Variants in TNKS2 observed in about 807,000 individuals in gnomAD.
TNKS2 encodes tankyrase 2.
Under a neutral mutation model 137.6 loss-of-function variants are expected in TNKS2, and 72 were observed. The ratio of observed to expected loss-of-function variants is 0.52; its 90% CI spans 0.43 to 0.64. The LOEUF is 0.64. TNKS2 is among the 30% of genes least tolerant of loss of function. The pLI is 0.00. For synonymous variants in TNKS2, 516 were observed against 512.1 expected (o/e 1.01, Z -0.10); for missense variants, 1,049 against 1,410.2 (o/e 0.74, Z 4.10).
At chr10:91,807,995 CAA>C (rs35736923) in intron 1 of TNKS2, among the ~76,000 whole-genome samples, 37,751 of 118,644 alleles carry the variant, frequency 0.32, 4,650 homozygotes, top group South Asian at 0.48. Flanking sequence ...GACTCTGTCT[CAA>C]AAAAAAAAAA....
chr10:91,839,980 C>CTG (rs1388785143), intron 13 of TNKS2, among the ~76,000 whole-genome samples: 2 of 152,056 alleles, frequency 1.3e-5, no homozygotes, highest in African/African-American at 4.8e-5. Flanking sequence ...CTTAGTTTAC[C>CTG]TGTATATATA....
chr10:91,813,784 G>A (rs1387851935), intron 2 of TNKS2, among the ~76,000 whole-genome samples: 2 of 152,062 alleles, frequency 1.3e-5, no homozygotes, highest in African/African-American at 4.8e-5. Context: ...ACATAAGGGT[G>A]GTCCATAAGA....
chr10:91,828,455 T>C, intron 9 of TNKS2, 49 bp downstream of exon 9: 1 of 1,452,468 alleles, frequency 6.9e-7, no homozygotes, highest in Non-Finnish European at 9.2e-7. Context: ...AAGAACGTGC[T>C]AAACTAATCA....
intron 23 of TNKS2, 120 bp downstream of exon 23, chr10:91,855,808 G>C: frequency 1.7e-6 from 1 of 598,284 alleles, no homozygotes; most frequent in South Asian, 2.6e-5. Flanking sequence ...TGGCATCAGA[G>C]ACTATTTTGG....
At chr10:91,819,870 T>C (rs1269466239) in intron 5 of TNKS2, 69 bp from the exon 6 acceptor site, 1 of 1,300,822 alleles carries the variant, frequency 7.7e-7, no homozygotes, top group Non-Finnish European at 1.1e-6. Context: ...ATATTTGGGT[T>C]TTTTCCCTCT....
chr10:91,805,417 C>G (rs1844295613), intron 1 of TNKS2, among the ~76,000 whole-genome samples: 1 of 152,162 alleles, frequency 6.6e-6, no homozygotes, highest in African/African-American at 2.4e-5. Flanking sequence ...ACCCATTCTA[C>G]CCATATCGAT....
chr10:91,813,008 A>G lies in TNKS2; in HGVS notation c.225A>G (p.Glu75=), dbSNP rs772213197. The part of the protein sequence containing the change: ...AAGFGRKDVV[E]YLLQNGANVQ... Reference sequence around the variant, plus strand: ...GTTTTGGGCGGAAAGACGTAGTTGAATATTTGCTTCAGAATGGTGCAAATG... The same window carrying G: ...GTTTTGGGCGGAAAGACGTAGTTGAGTATTTGCTTCAGAATGGTGCAAATG... Residue 75 remains glutamate (E), a synonymous_variant, in exon 2 of 27, where the codon GAA becomes GAG. Transcript: ENST00000371627. The G allele has an allele frequency of 3.1e-6, 5 of 1,614,162 alleles. No homozygotes were observed. The highest frequency in any genetic ancestry group is 4.2e-6 in the Non-Finnish European group (5 of 1,180,020).
rs1445699374 is a variant in TNKS2, at chr10:91,863,900, A to C, written c.*901A>C. ...AATTATTGTGTTCTTTTCATGGAACATAAGTAGGATGTTACATTTCCAGGG... is the reference window on the plus strand; with the variant it reads ...AATTATTGTGTTCTTTTCATGGAACCTAAGTAGGATGTTACATTTCCAGGG... On this transcript the variant is annotated 3_prime_UTR_variant, in exon 27 of 27. Coordinates refer to ENST00000371627, the MANE Select transcript of TNKS2 (RefSeq NM_025235.4). 1.3e-5 allele frequency: 2 copies of C among 152,182 alleles called. No homozygotes were observed. The highest frequency in any genetic ancestry group is 4.8e-5 in the African/African-American group (2 of 41,436). 9.4% of individuals were successfully genotyped at this position (152,182 alleles called of 1,614,324 possible).
chr10:91,844,860 T>C, intron 16 of TNKS2, 59 bp from the exon 17 acceptor site: 1 of 1,100,784 alleles, frequency 9.1e-7, no homozygotes, highest in East Asian at 2.6e-5. Flanking sequence ...GGAAGTATTA[T>C]GACATAGGAC....
intron 2 of TNKS2, among the ~76,000 whole-genome samples, chr10:91,814,373 C>T (rs1844605044): frequency 6.6e-6 from 1 of 151,862 alleles, no homozygotes; most frequent in South Asian, 2.1e-4. Context: ...AGTCAAAAAG[C>T]CTTTAAAAAT....
At chr10:91,851,480 G>A in intron 21 of TNKS2, 144 bp downstream of exon 21, 3 of 990,412 alleles carry the variant, frequency 3.0e-6, no homozygotes, top group South Asian at 1.6e-5. Context: ...CTGGGATTAA[G>A]TCTTAGCTGT....
intron 6 of TNKS2, 63 bp from the exon 7 acceptor site, chr10:91,822,233 T>C (rs1293350295): frequency 1.6e-6 from 2 of 1,276,602 alleles, no homozygotes; most frequent in Non-Finnish European, 2.2e-6. Flanking sequence ...TTTTAATTTA[T>C]AAATTTCCCT....
At chr10:91,833,428 ATAAG>A in intron 11 of TNKS2, among the ~76,000 whole-genome samples, 1 of 152,182 alleles carries the variant, frequency 6.6e-6, no homozygotes, top group Non-Finnish European at 1.5e-5. Context: ...TAGGTAATAA[ATAAG>A]GGAGAAGATT....
Position 91,841,365 on chromosome 10 carries a change from A to G in TNKS2, c.1756A>G (p.Asn586Asp). 6.2e-7 allele frequency: 1 copy of G among 1,610,078 alleles called. No individual in the cohort carries two copies. Among genetic ancestry groups the G allele is most frequent in the Non-Finnish European group, 8.5e-7 (1 of 1,178,222 alleles). ...ELLVKHGAVVNVADLWKFTPL... is the reference protein window; with the variant it reads ...ELLVKHGAVVDVADLWKFTPL... ...TCTTGTTAAACATGGAGCAGTAGTT[A>G]ATGTAGCTGATTTATGGAAATTTAC... The change falls in exon 15 of 27, where the codon AAT becomes GAT. Residue 586 changes from asparagine to aspartate, a missense_variant. Asn to Asp is a conservative substitution (Grantham distance 23). This residue lies in a region of TNKS2 where 328 missense variants were observed against 436.0 expected (regional missense o/e 0.75). Coordinates refer to ENST00000371627, the MANE Select transcript of TNKS2 (RefSeq NM_025235.4).
rs1844833102 is a variant in TNKS2 at position 91,819,982 on chromosome 10, T to C, written c.677T>C (p.Ile226Thr). 6.3e-7 allele frequency: 1 copy of C among 1,593,640 alleles called. No homozygotes were observed. The highest frequency in any genetic ancestry group is 8.5e-7 in the Non-Finnish European group (1 of 1,170,462). ...HLAAGYNRVK[I>T]VQLLLQHGAD... ...GCAGCAGGATATAACAGAGTAAAGA[T>C]TGTACAGCTGTTACTGCAACATGGA... The change falls in exon 6 of 27, where the codon ATT becomes ACT. Residue 226 changes from isoleucine to threonine, a missense_variant. Coordinates refer to ENST00000371627, the MANE Select transcript of TNKS2 (RefSeq NM_025235.4).
intron 1 of TNKS2, among the ~76,000 whole-genome samples, chr10:91,812,049 A>C (rs1203027806): frequency 7.6e-6 from 1 of 130,934 alleles, no homozygotes; most frequent in Non-Finnish European, 1.6e-5. Context: ...ACAGAGCGAC[A>C]CTCCGTCTCA....
At chr10:91,835,663 T>C (rs1362890440) in intron 12 of TNKS2, among the ~76,000 whole-genome samples, 3 of 150,632 alleles carry the variant, frequency 2.0e-5, no homozygotes, top group Non-Finnish European at 4.4e-5. Flanking sequence ...GTTTCACTCT[T>C]GTCACCCAGG....
chr10:91,817,051 C>G, intron 2 of TNKS2, 83 bp from the exon 3 acceptor site: 4 of 919,740 alleles, frequency 4.3e-6, no homozygotes, highest in Non-Finnish European at 6.9e-6. Context: ...CTTTGCTGGA[C>G]CAGACTTCTT....
At chr10:91,817,257 G>A in intron 3 of TNKS2, 28 bp downstream of exon 3, 1 of 1,562,926 alleles carries the variant, frequency 6.4e-7, no homozygotes, top group Admixed American at 1.8e-5. Context: ...GGTTATTCCA[G>A]GAAGCCTGTA....
Sources: allele counts gnomAD v4.1 joint callset (sites outside exome capture counted in the v4.1 genomes callset), GRCh38; gene constraint gnomAD v4.1.1; regional missense constraint gnomAD v4.1.1; transcripts MANE v1.5; gene names NCBI Gene and HGNC (gene_info 2026-07-23, HGNC 2026-07-21).